The following SLC25A38 variants were observed in gnomAD, a reference collection of about 807,000 sequenced individuals.
The protein encoded by SLC25A38 is mitochondrial glycine transporter.
Under a neutral mutation model 33.4 loss-of-function variants are expected in SLC25A38, and 27 were observed. The observed-to-expected ratio is 0.81, with a 90% CI of 0.60 to 1.11. The LOEUF (loss-of-function observed/expected upper bound fraction) is 1.11, where lower values mean the gene tolerates loss of function less well. Ranked by LOEUF, SLC25A38 falls within the 50% of genes most tolerant of loss-of-function variation. The pLI is 0.00. For synonymous variants in SLC25A38, 123 were observed against 145.9 expected, an observed-to-expected ratio of 0.84 and a Z score of 1.13; for missense variants, 344 against 388.8, an observed-to-expected ratio of 0.88 and a Z score of 0.97.
At position 39,392,460 on chromosome 3, in the gene SLC25A38, A is replaced by G. The variant is rs4398366; in HGVS notation, c.625+439A>G. Among the ~76,000 whole-genome samples the G allele has an allele frequency of 1.9e-3, 284 of 152,144 alleles. 1 individual carries two copies. Among genetic ancestry groups the G allele is most frequent in the African/African-American group, 6.7e-3 (277 of 41,502 alleles). ...GTCAGGGAAACAGTAGTAAGTTAGGAGTTTAAAGAAAAATAATATTTTCAT... is the reference window on the plus strand; with the variant it reads ...GTCAGGGAAACAGTAGTAAGTTAGGGGTTTAAAGAAAAATAATATTTTCAT... On this transcript the variant is annotated intron_variant, in intron 5 of 6. Transcript: ENST00000650617.
chr3:39,391,700 C>A, intron 4 of SLC25A38, 80 bp downstream of exon 4: 3 of 1,607,270 alleles, frequency 1.9e-6, no homozygotes, highest in Non-Finnish European at 2.6e-6. Flanking sequence ...GATGTCAACT[C>A]CTGATTTGTA....
At chr3:39,388,709 A>C (rs2041730151) in intron 1 of SLC25A38, among the ~76,000 whole-genome samples, 1 of 152,192 alleles carries the variant, frequency 6.6e-6, no homozygotes, top group African/African-American at 2.4e-5. Flanking sequence ...GTACCTTTTC[A>C]CAGTCATTTG....
At chr3:39,395,061 G>T (rs2041812448) in intron 6 of SLC25A38, among the ~76,000 whole-genome samples, 1 of 152,076 alleles carries the variant, frequency 6.6e-6, no homozygotes, top group South Asian at 2.1e-4. Context: ...ATTGGAAGAA[G>T]AATTGTCTTG....
At chr3:39,392,549 T>G (rs533247117) in intron 5 of SLC25A38, among the ~76,000 whole-genome samples, 31 of 152,148 alleles carry the variant, frequency 2.0e-4, no homozygotes, top group African/African-American at 7.5e-4. Context: ...GATGAAGGTG[T>G]CAAACTTCAG....
rs141567816 is a variant in SLC25A38 at position 39,396,992 on chromosome 3, G to T, written c.*472G>T. On this transcript the variant is annotated 3_prime_UTR_variant, in exon 7 of 7. Transcript: ENST00000650617. ...GTCACCAGGTCACAGACTGACTGAGGTGATGGTAGGATGAGGAGGAACAGA... is the reference window on the plus strand; with the variant it reads ...GTCACCAGGTCACAGACTGACTGAGTTGATGGTAGGATGAGGAGGAACAGA... 2,532 of 237,048 alleles carry T rather than the reference G, an allele frequency of 0.011. 68 individuals carry two copies. Among genetic ancestry groups the T allele is most frequent in the African/African-American group, 0.053 (2,388 of 44,924 alleles). The allele number at this position is 237,048 out of a possible 1,614,324, so 14.7% of individuals were successfully genotyped here. A position where few individuals can be genotyped will look rare whatever the true frequency, so the allele number is the denominator to read the frequency against.
chr3:39,386,335 C>T (rs1322805892), intron 1 of SLC25A38, among the ~76,000 whole-genome samples: 1 of 152,180 alleles, frequency 6.6e-6, no homozygotes, highest in Non-Finnish European at 1.5e-5. Context: ...AATGCTAACA[C>T]TTTGGGAGGC....
intron 3 of SLC25A38, among the ~76,000 whole-genome samples, chr3:39,390,831 A>G (rs1317568825): frequency 6.6e-6 from 1 of 152,196 alleles, no homozygotes; most frequent in East Asian, 1.9e-4. Context: ...TCTTTGCTCA[A>G]AGGCTTTTTC....
intron 1 of SLC25A38, chr3:39,384,464 G>C: frequency 2.6e-6 from 1 of 381,538 alleles, no homozygotes; most frequent in Non-Finnish European, 4.6e-6. Flanking sequence ...TGCAGCTGCC[G>C]CAGCTCTCCC....
At chr3:39,395,083 A>G (rs2041812570) in intron 6 of SLC25A38, among the ~76,000 whole-genome samples, 1 of 152,178 alleles carries the variant, frequency 6.6e-6, no homozygotes, top group South Asian at 2.1e-4. Context: ...GCCACACATA[A>G]AATACACTAA....
chr3:39,393,194 G>A (rs1426667422), intron 5 of SLC25A38, among the ~76,000 whole-genome samples: 5 of 152,142 alleles, frequency 3.3e-5, no homozygotes, highest in African/African-American at 4.8e-5. Context: ...GCTGAGGCAC[G>A]AGAATCGCTT....
intron 4 of SLC25A38, 74 bp from the exon 5 acceptor site, chr3:39,391,779 A>C: frequency 1.9e-6 from 3 of 1,608,346 alleles, no homozygotes; most frequent in Non-Finnish European, 2.6e-6. Flanking sequence ...ATGCCCCATA[A>C]CCTGCAGTCT....
rs1272068079 is a variant in SLC25A38, at chr3:39,389,971, C to T, written c.191+355C>T. On this transcript the variant is annotated intron_variant, in intron 2 of 6. Transcript: ENST00000650617. The surrounding 1 kb of genome is among the most constrained non-coding windows in gnomAD (Gnocchi z 4.5). ...TTATTTGTTTTTTGAGGCAGATGCT[C>T]GCTCTGTTGCCCAGATTGGAGTGCA... 6.6e-6 allele frequency among the ~76,000 whole-genome samples: 1 copy of T among 152,108 alleles called. No homozygotes were observed. The highest frequency in any genetic ancestry group is 1.5e-5 in the Non-Finnish European group (1 of 68,020).
rs745673732 is a variant in SLC25A38 at position 39,391,616 on chromosome 3, A to G, written c.452A>G (p.Tyr151Cys). 4.3e-5 allele frequency: 70 copies of G among 1,614,064 alleles called. No homozygotes were observed. Among genetic ancestry groups the G allele is most frequent in the Non-Finnish European group, 5.3e-5 (63 of 1,180,044 alleles). The change falls in exon 4 of 7, where the codon TAT becomes TGT. Residue 151 changes from tyrosine (Y) to cysteine (C), a missense_variant. Physicochemically the swap from Tyr to Cys is radical, Grantham distance 194. Coordinates refer to ENST00000650617, the MANE Select transcript of SLC25A38 (RefSeq NM_017875.4). ...CCTATCACTGTAATCAAGACGCGCTATGAGGTGAGTTCAACCACTTTAGGG... is the reference window on the plus strand; with the variant it reads ...CCTATCACTGTAATCAAGACGCGCTGTGAGGTGAGTTCAACCACTTTAGGG... ...MSPITVIKTR[Y>C]ESGKYGYESI...
chr3:39,396,101 T>C (rs2041826216), intron 6 of SLC25A38, among the ~76,000 whole-genome samples: 1 of 151,766 alleles, frequency 6.6e-6, no homozygotes, highest in Admixed American at 6.6e-5. Context: ...TCCCACCTAC[T>C]CGGAAGGCTG....
Position 39,384,631 on chromosome 3 carries a change from CTTAGGATAGTTTT to C in SLC25A38, c.69+841_69+853del, listed in dbSNP as rs1575240928. 5 of 398,310 alleles carry C rather than the reference CTTAGGATAGTTTT, an allele frequency of 1.3e-5. No individual in the cohort carries two copies. In the East Asian group the frequency reaches 1.8e-4, roughly 14 times the overall value. 24.7% of individuals were successfully genotyped at this position (398,310 alleles called of 1,614,324 possible). On this transcript the variant is annotated intron_variant, in intron 1 of 6. Transcript: ENST00000650617. ...CCCTCGCCTCCAGATGTGAATTGGA[CTTAGGATAGTTTT>C]TTCAGGGCAGTAGGAATTGCTTGTG... is the stretch of plus-strand genomic sequence containing the variant.
chr3:39,390,449 T>G lies in SLC25A38; in HGVS notation c.218T>G (p.Val73Gly). 1 of 1,614,242 alleles carries G rather than the reference T, an allele frequency of 6.2e-7. No homozygotes were observed. The highest frequency in any genetic ancestry group is 8.5e-7 in the Non-Finnish European group (1 of 1,180,036). Residue 73 changes from valine to glycine, a missense_variant, in exon 3 of 7, where the codon GTA (valine) becomes GGA (glycine). Transcript: ENST00000650617. ...HGSRRVGMLAVLLKVVRTESL... is the reference protein window; with the variant it reads ...HGSRRVGMLAGLLKVVRTESL... ...TCTAGACGTGTTGGGATGTTGGCTG[T>G]ACTCTTGAAGGTGGTTCGCACGGAG...
intron 3 of SLC25A38, 76 bp downstream of exon 3, chr3:39,390,583 C>G (rs2041753692): frequency 1.4e-6 from 2 of 1,437,302 alleles, no homozygotes. Flanking sequence ...ACCTTACCAG[C>G]TCTTAAGGAT....
chr3:39,385,778 G>A (rs535646852), intron 1 of SLC25A38, among the ~76,000 whole-genome samples: 8 of 152,376 alleles, frequency 5.3e-5, no homozygotes, highest in East Asian at 1.9e-4. Context: ...TCTTTGACAC[G>A]CAGTCATAAG....
At chr3:39,393,895 C>T (rs919415214) in intron 5 of SLC25A38, among the ~76,000 whole-genome samples, 3 of 152,214 alleles carry the variant, frequency 2.0e-5, no homozygotes, top group South Asian at 2.1e-4. Flanking sequence ...TTATATACCT[C>T]ATTGTGGGTT....
Sources: gnomAD v4.1 joint callset for allele counts (sites outside exome capture counted in the v4.1 genomes callset) on GRCh38, gnomAD v4.1.1 for gene constraint, Gnocchi (gnomAD v3.1) non-coding constraint, MANE v1.5 for transcripts, NCBI Gene and HGNC (gene_info 2026-07-23, HGNC 2026-07-21) for gene names.